Variants in PIAS1 observed in about 807,000 individuals in gnomAD.
PIAS1 encodes E3 SUMO-protein ligase PIAS1.
Under a neutral mutation model 71.3 loss-of-function variants are expected in PIAS1, and 6 were observed. The observed-to-expected ratio is 0.08, with a 90% CI of 0.05 to 0.17. PIAS1 has a LOEUF of 0.17. Ranked by LOEUF, PIAS1 falls within the 10% of genes least tolerant of loss-of-function variation. PIAS1 has a pLI of 1.00. For missense variants in PIAS1, 555 were observed against 793.6 expected, an observed-to-expected ratio of 0.70 and a Z score of 3.61; for synonymous variants, 303 against 292.9, an observed-to-expected ratio of 1.03 and a Z score of -0.35.
intron 8 of PIAS1, among the ~76,000 whole-genome samples, chr15:68,166,513 T>C (rs1167938351): frequency 6.6e-6 from 1 of 152,162 alleles, no homozygotes; most frequent in Non-Finnish European, 1.5e-5. Flanking sequence ...CATCTGTTGT[T>C]CTTTGCCGCC....
In PIAS1 at chr15:68,182,424, T is replaced by TTG. The variant is rs1567080853; in HGVS notation, c.1624+1070_1624+1071insTG. Among the ~76,000 whole-genome samples, 2 of 63,770 alleles carry TTG rather than the reference T, an allele frequency of 3.1e-5. 1 individual carries two copies. The highest frequency in any genetic ancestry group is 1.1e-4 in the African/African-American group (2 of 18,150). 41.8% of individuals were successfully genotyped at this position (63,770 alleles called of 152,430 possible). A position where few individuals can be genotyped will look rare whatever the true frequency, so the allele number is the denominator to read the frequency against. ...AACCCCATTCCCGGGAAGTTACAGC[T>TTG]AGTGTGTGTGTGTGTGTGTGTGTGT... On this transcript the variant is annotated intron_variant, in intron 12 of 13. Transcript: ENST00000249636.
At chr15:68,088,376 C>T (rs1037504308) in intron 2 of PIAS1, among the ~76,000 whole-genome samples, 2 of 151,472 alleles carry the variant, frequency 1.3e-5, no homozygotes, top group African/African-American at 2.4e-5. Flanking sequence ...ATTATATATT[C>T]GCAAATTCAG....
In PIAS1 at chr15:68,193,537, A is replaced by G. The variant is rs1245728165; in HGVS notation, c.*5702A>G. 6.5e-6 allele frequency: 1 copy of G among 153,568 alleles called. No individual in the cohort carries two copies. The highest frequency in any genetic ancestry group is 1.9e-4 in the East Asian group (1 of 5,228). 9.5% of individuals were successfully genotyped at this position (153,568 alleles called of 1,614,324 possible). On this transcript the variant is annotated 3_prime_UTR_variant, in exon 14 of 14. Coordinates refer to ENST00000249636, the MANE Select transcript of PIAS1 (RefSeq NM_016166.3). ...TCAGCTAGCACTGGCTTCATCTTGG[A>G]AAATCTTGGAAATATGGAAGATGGT...
intron 1 of PIAS1, among the ~76,000 whole-genome samples, chr15:68,081,170 A>G (rs1468831227): frequency 6.6e-6 from 1 of 152,204 alleles, no homozygotes; most frequent in Non-Finnish European, 1.5e-5. Flanking sequence ...AAAGTTTTAC[A>G]TATCTGAAAA....
intron 2 of PIAS1, among the ~76,000 whole-genome samples, chr15:68,118,856 A>G (rs1039683648): frequency 6.6e-6 from 1 of 152,180 alleles, no homozygotes; most frequent in Non-Finnish European, 1.5e-5. Flanking sequence ...GTAGGAAAAA[A>G]ACATAGGAGA....
rs1402744873 is a variant in PIAS1, at chr15:68,145,846, A to G, written c.633A>G (p.Gln211=). 6.2e-7 allele frequency: 1 copy of G among 1,611,768 alleles called. No homozygotes were observed. Among genetic ancestry groups the G allele is most frequent in the Non-Finnish European group, 8.5e-7 (1 of 1,178,052 alleles). Residue 211 remains glutamine, a synonymous_variant, in exon 5 of 14, where the codon CAA becomes CAG. Transcript: ENST00000249636. ...RFCLSETSCP[Q]EDHFPPNLCV... is the part of the protein sequence containing the mutation. ...GTTTATCAGAAACCAGTTGTCCACAAGAAGATCACTTCCCACCCAATCTTT... is the reference window on the plus strand; with the variant it reads ...GTTTATCAGAAACCAGTTGTCCACAGGAAGATCACTTCCCACCCAATCTTT...
At chr15:68,157,186 T>C (rs1056288189) in intron 7 of PIAS1, among the ~76,000 whole-genome samples, 3 of 152,118 alleles carry the variant, frequency 2.0e-5, no homozygotes, top group African/African-American at 7.2e-5. Context: ...ACTGTTAGAC[T>C]TGTGGTGTTT....
intron 6 of PIAS1, 80 bp from the exon 7 acceptor site, chr15:68,153,510 T>C: frequency 1.5e-6 from 1 of 659,540 alleles, no homozygotes; most frequent in East Asian, 2.6e-5. Flanking sequence ...TTAGTTTTCT[T>C]TCCCTATCAT....
intron 2 of PIAS1, among the ~76,000 whole-genome samples, chr15:68,113,858 T>TAAA (rs1191721130): frequency 6.6e-6 from 1 of 152,106 alleles, no homozygotes; most frequent in African/African-American, 2.4e-5. Context: ...TGTTTCTTAG[T>TAAA]ATAGGTAATT....
intron 11 of PIAS1, among the ~76,000 whole-genome samples, chr15:68,176,947 G>A (rs1367742227): frequency 6.6e-6 from 1 of 152,056 alleles, no homozygotes; most frequent in Non-Finnish European, 1.5e-5. Flanking sequence ...TGCATACATT[G>A]CGCCCCCATG....
intron 12 of PIAS1, among the ~76,000 whole-genome samples, chr15:68,182,897 T>C (rs2093064336): frequency 6.6e-6 from 1 of 152,238 alleles, no homozygotes; most frequent in African/African-American, 2.4e-5. Flanking sequence ...TGTAATATAT[T>C]TATCTATAGC....
chr15:68,086,732 A>C lies in PIAS1; in HGVS notation c.451A>C (p.Ile151Leu), dbSNP rs1334912893. 1 of 1,607,474 alleles carries C rather than the reference A, an allele frequency of 6.2e-7. No individual in the cohort carries two copies. Among genetic ancestry groups the C allele is most frequent in the Admixed American group, 1.7e-5 (1 of 59,980 alleles). ...ATTTTATGATTTACTGGATGAACTG[A>C]TAAAACCCACCAGTCTAGGTAAGAT... Reference protein sequence around the residue: ...LPFYDLLDELIKPTSLASDNS... With the variant: ...LPFYDLLDELLKPTSLASDNS... The change falls in exon 2 of 14, where the codon ATA becomes CTA. Residue 151 changes from isoleucine (I) to leucine (L), a missense_variant. Transcript: ENST00000249636. This position sits in a 1 kb window ranked among gnomAD's most constrained non-coding sequence, Gnocchi z 7.2.
intron 1 of PIAS1, among the ~76,000 whole-genome samples, chr15:68,060,334 CTA>C (rs947367091): frequency 1.3e-5 from 2 of 152,162 alleles, no homozygotes; most frequent in African/African-American, 4.8e-5. Flanking sequence ...CATTTTAAAA[CTA>C]TATTGAACAT....
chr15:68,131,316 C>T (rs1466466914), intron 2 of PIAS1, among the ~76,000 whole-genome samples: 1 of 152,086 alleles, frequency 6.6e-6, no homozygotes, highest in East Asian at 1.9e-4. Context: ...CGATCTTCGA[C>T]TACCATGTGA....
intron 2 of PIAS1, among the ~76,000 whole-genome samples, chr15:68,141,515 A>G (rs900861036): frequency 1.3e-5 from 2 of 152,178 alleles, no homozygotes; most frequent in Non-Finnish European, 2.9e-5. Flanking sequence ...AATTTACTTT[A>G]TAAACCAAAT....
At chr15:68,102,520 A>G (rs1284638311) in intron 2 of PIAS1, among the ~76,000 whole-genome samples, 1 of 152,248 alleles carries the variant, frequency 6.6e-6, no homozygotes, top group Non-Finnish European at 1.5e-5. Flanking sequence ...TTAAACCTGC[A>G]TATCAATTTA....
Position 68,173,565 on chromosome 15 carries a change from A to G in PIAS1, c.1009-167A>G, listed in dbSNP as rs1380611617. On this transcript the variant is annotated intron_variant, in intron 8 of 13. Transcript: ENST00000249636. The surrounding 1 kb of genome is among the most constrained non-coding windows in gnomAD (Gnocchi z 4.3). Reference sequence around the variant, plus strand: ...AAGAAATACTGTCATTTTTTAACCTATGGATATTTCACAGGAAATGTGTTT... The same window carrying G: ...AAGAAATACTGTCATTTTTTAACCTGTGGATATTTCACAGGAAATGTGTTT... 7.9e-5 allele frequency among the ~76,000 whole-genome samples: 12 copies of G among 152,186 alleles called. No individual in the cohort carries two copies.
Position 68,189,821 on chromosome 15 carries a change from A to G in PIAS1, c.*1986A>G, listed in dbSNP as rs2093110758. 6.6e-6 allele frequency: 1 copy of G among 152,220 alleles called. No individual in the cohort carries two copies. The allele number at this position is 152,220 out of a possible 1,614,324, so 9.4% of individuals were successfully genotyped here. ...ACCAGGAAACAGTTAATGTTTTTTA[A>G]TGAATCTGGCATTATAGTGAGCAAA... On this transcript the variant is annotated 3_prime_UTR_variant, in exon 14 of 14. Transcript: ENST00000249636.
chr15:68,068,508 A>G (rs984362670), intron 1 of PIAS1, among the ~76,000 whole-genome samples: 6 of 152,094 alleles, frequency 3.9e-5, no homozygotes, highest in Non-Finnish European at 8.8e-5. Context: ...GTTGGAGTAC[A>G]ATGGCGCTAT....
Sources: gnomAD v4.1 joint callset for allele counts (sites outside exome capture counted in the v4.1 genomes callset) on GRCh38, gnomAD v4.1.1 for gene constraint, Gnocchi (gnomAD v3.1) non-coding constraint, MANE v1.5 for transcripts, NCBI Gene and HGNC (gene_info 2026-07-23, HGNC 2026-07-21) for gene names.